Variants in DCP1B observed in about 807,000 individuals in gnomAD.
DCP1B encodes the protein decapping mRNA 1B, also known as mRNA-decapping enzyme 1B.
In DCP1B, 47 loss-of-function variants were observed where a neutral mutation model predicts 60.5. The ratio of observed to expected loss-of-function variants is 0.78; its 90% CI spans 0.61 to 0.99. DCP1B has a LOEUF of 0.99. Ranked by LOEUF, DCP1B falls within the 50% of genes least tolerant of loss-of-function variation. DCP1B has a pLI of 0.00. For synonymous variants in DCP1B, 267 were observed against 280.3 expected (o/e 0.95, Z 0.47); for missense variants, 725 against 756.8 (o/e 0.96, Z 0.49).
chr12:2,002,752 GATT>G (rs899154272), intron 1 of DCP1B, among the ~76,000 whole-genome samples: 3 of 152,094 alleles, frequency 2.0e-5, no homozygotes, highest in Non-Finnish European at 2.9e-5. Flanking sequence ...ACTTTTACAG[GATT>G]ATAACATTAT....
intron 3 of DCP1B, chr12:1,992,108 C>A: frequency 3.1e-6 from 1 of 323,550 alleles, no homozygotes; most frequent in African/African-American, 2.2e-5. Context: ...TAATAAACTA[C>A]AATTGATAAA....
chr12:1,971,263 C>A lies in DCP1B; in HGVS notation c.320-3353G>T, dbSNP rs1388532757. On this transcript the variant is annotated intron_variant, in intron 3 of 8. Coordinates refer to ENST00000280665, the MANE Select transcript of DCP1B (RefSeq NM_152640.5). The surrounding 1 kb of genome is among the most constrained non-coding windows in gnomAD (Gnocchi z 4.2). ...ACATGTTGAAATTTACTCTAAATAT[C>A]CTAATGATACCTAGAATGTGACTTC... is the stretch of plus-strand genomic sequence containing the variant. The A allele has an allele frequency of 1.2e-6, 1 of 835,458 alleles. No homozygotes were observed. Among genetic ancestry groups the A allele is most frequent in the Non-Finnish European group, 1.7e-6 (1 of 584,938 alleles). 51.8% of individuals were successfully genotyped at this position (835,458 alleles called of 1,614,324 possible). A position where few individuals can be genotyped will look rare whatever the true frequency, so the allele number is the denominator to read the frequency against.
chr12:1,958,784 C>T (rs1289805620), intron 5 of DCP1B, among the ~76,000 whole-genome samples: 20 of 120,644 alleles, frequency 1.7e-4, no homozygotes, highest in African/African-American at 3.3e-4. Flanking sequence ...TCCCCAACGT[C>T]GCTCTGGGCA....
chr12:1,981,921 T>C (rs112898313), intron 3 of DCP1B, among the ~76,000 whole-genome samples: 4,138 of 152,200 alleles, frequency 0.027, 92 homozygotes, highest in Middle Eastern at 0.048. Flanking sequence ...GGAAAGTGTA[T>C]ATGTAGTTGT....
intron 3 of DCP1B, among the ~76,000 whole-genome samples, chr12:1,987,804 A>T (rs965245907): frequency 6.6e-6 from 1 of 152,186 alleles, no homozygotes; most frequent in African/African-American, 2.4e-5. Flanking sequence ...GCAGAGCTAC[A>T]TGGTGTACTA....
chr12:1,996,733 T>C (rs1167006121), intron 2 of DCP1B, among the ~76,000 whole-genome samples: 1 of 147,016 alleles, frequency 6.8e-6, no homozygotes, highest in Non-Finnish European at 1.5e-5. Flanking sequence ...GGGCCACGTG[T>C]CCTATGGGCC....
In DCP1B at chr12:1,953,085, G is replaced by A; in HGVS notation, c.855C>T (p.Pro285=). 1 of 1,614,040 alleles carries A rather than the reference G, an allele frequency of 6.2e-7. No individual in the cohort carries two copies. Among genetic ancestry groups the A allele is most frequent in the South Asian group, 1.1e-5 (1 of 91,078 alleles). Residue 285 remains proline (P), a synonymous_variant, in exon 7 of 9, where the codon CCC becomes CCT. Transcript: ENST00000280665. The stretch of plus-strand genomic sequence containing the variant: ...TGGCTGGACAGAGCTGCTTCTCAAT[G>A]GGGGGTGAGTGTCTTCTGGGTTCCT... ...SYEEPRRHSP[P]IEKQLCPAIQ...
intron 5 of DCP1B, among the ~76,000 whole-genome samples, chr12:1,956,203 T>C (rs2030879948): frequency 6.6e-6 from 1 of 152,240 alleles, no homozygotes; most frequent in African/African-American, 2.4e-5. Context: ...TGACTCATTA[T>C]TATACATTAA....
chr12:1,993,054 C>T (rs530106164), intron 3 of DCP1B: 1 of 712,576 alleles, frequency 1.4e-6, no homozygotes, highest in South Asian at 1.6e-5. Flanking sequence ...AGGTTTATAT[C>T]ATCATATTTA....
intron 5 of DCP1B, among the ~76,000 whole-genome samples, chr12:1,956,863 T>C (rs2030903784): frequency 6.6e-6 from 1 of 152,230 alleles, no homozygotes; most frequent in Non-Finnish European, 1.5e-5. Flanking sequence ...TCTTTTTCTA[T>C]GTTCAGAAAC....
intron 5 of DCP1B, among the ~76,000 whole-genome samples, chr12:1,959,764 C>G: frequency 6.6e-6 from 1 of 152,118 alleles, no homozygotes; most frequent in South Asian, 2.1e-4. Flanking sequence ...TCGAGACCAT[C>G]CTGGCTAACA....
chr12:2,000,721 A>G (rs1183702628), intron 1 of DCP1B, among the ~76,000 whole-genome samples: 1 of 152,162 alleles, frequency 6.6e-6, no homozygotes, highest in Non-Finnish European at 1.5e-5. Context: ...TTATTATTAT[A>G]TGTCTCAGTT....
chr12:1,986,988 G>A (rs911726102), intron 3 of DCP1B, among the ~76,000 whole-genome samples: 77 of 151,982 alleles, frequency 5.1e-4, no homozygotes, highest in Admixed American at 4.8e-3. Flanking sequence ...ATGAAAGCCT[G>A]AACTGGAATA....
intron 7 of DCP1B, chr12:1,950,170 G>A: frequency 8.5e-6 from 5 of 585,550 alleles, no homozygotes; most frequent in Non-Finnish European, 1.5e-5. Flanking sequence ...AGAAGTTGCT[G>A]TAATTTTATA....
rs565229805 is a variant in DCP1B at position 1,986,078 on chromosome 12, G to A, written c.319+7186C>T. Among the ~76,000 whole-genome samples, 6 of 152,356 alleles carry A rather than the reference G, an allele frequency of 3.9e-5. No individual in the cohort carries two copies. The South Asian group carries it at 1.2e-3, about 32-fold the overall frequency. Reference sequence around the variant, plus strand: ...TCTGCCCGCCTTGGCCTCCCAAAGTGCTGGGATTACAGGCGTGAGCCACTG... The same window carrying A: ...TCTGCCCGCCTTGGCCTCCCAAAGTACTGGGATTACAGGCGTGAGCCACTG... On this transcript the variant is annotated intron_variant, in intron 3 of 8. Coordinates refer to ENST00000280665, the MANE Select transcript of DCP1B (RefSeq NM_152640.5).
intron 3 of DCP1B, among the ~76,000 whole-genome samples, chr12:1,989,452 C>T (rs760243872): frequency 5.9e-5 from 9 of 152,210 alleles, no homozygotes; most frequent in Non-Finnish European, 8.8e-5. Flanking sequence ...TGGTGGCTCA[C>T]GCCTATAATC....
At chr12:1,992,777 T>A in intron 3 of DCP1B, 2 of 205,810 alleles carry the variant, frequency 9.7e-6, no homozygotes, top group East Asian at 1.1e-4. Context: ...AGAAACTTTT[T>A]GGACTTTGAT....
At chr12:1,978,497 C>A (rs1208212154) in intron 3 of DCP1B, among the ~76,000 whole-genome samples, 2 of 152,088 alleles carry the variant, frequency 1.3e-5, no homozygotes, top group South Asian at 2.1e-4. Context: ...TTAAATACTT[C>A]TTTTATAAGG....
At chr12:1,986,626 G>T (rs2037864466) in intron 3 of DCP1B, among the ~76,000 whole-genome samples, 1 of 150,638 alleles carries the variant, frequency 6.6e-6, no homozygotes, top group Non-Finnish European at 1.5e-5. Context: ...GAAAGAAAAG[G>T]GGGAAGTTTT....
Sources: gnomAD v4.1 joint callset for allele counts (sites outside exome capture counted in the v4.1 genomes callset) on GRCh38, gnomAD v4.1.1 for gene constraint, Gnocchi (gnomAD v3.1) non-coding constraint, MANE v1.5 for transcripts, NCBI Gene and HGNC (gene_info 2026-07-23, HGNC 2026-07-21) for gene names.